MAP4K2: variants seen among roughly 807,000 people sequenced by gnomAD.
MAP4K2 encodes the protein B lymphocyte serine/threonine protein kinase.
MAP4K2 carries 85 observed loss-of-function variants against 125.3 expected under a neutral mutation model. The observed-to-expected ratio is 0.68, with a 90% CI of 0.57 to 0.81. The LOEUF is 0.81. MAP4K2 is among the 40% of genes least tolerant of loss of function. The pLI, the probability that MAP4K2 is intolerant of heterozygous loss-of-function variation, is 0.00. For missense variants in MAP4K2, 923 were observed against 1,056.4 expected, an observed-to-expected ratio of 0.87 and a Z score of 1.75; for synonymous variants, 479 against 445.1, an observed-to-expected ratio of 1.08 and a Z score of -0.96.
In MAP4K2 at chr11:64,797,259, C is replaced by T; in HGVS notation, c.1276+16G>A. 1 of 1,599,280 alleles carries T rather than the reference C, an allele frequency of 6.3e-7. No homozygotes were observed. The highest frequency in any genetic ancestry group is 8.5e-7 in the Non-Finnish European group (1 of 1,172,994). ...ACCCTGGGGCTGCCTCCTGGCCTCC[C>T]AAGCCTGAGACTCACCTGGGGGACT... is the stretch of plus-strand genomic sequence containing the variant. On this transcript the variant is annotated intron_variant, in intron 18 of 31. Transcript: ENST00000294066.
chr11:64,796,421 G>C, intron 23 of MAP4K2, 31 bp from the exon 24 acceptor site: 7 of 1,613,544 alleles, frequency 4.3e-6, no homozygotes, highest in Non-Finnish European at 5.1e-6. Context: ...CAGGCCTGGG[G>C]TGTTGGTGGG....
chr11:64,803,160 CGGGCGGGCCG>C lies in MAP4K2; in HGVS notation c.-21_-12del. On this transcript the variant is annotated 5_prime_UTR_variant, in exon 1 of 32. Transcript: ENST00000294066. ...CCGCAGCAGCGCCATGGCCCGGCGCCGGGCGGGCCGGCAGGCGGGCGGGCGCGAGCTGCGG... is the reference window on the plus strand; with the variant it reads ...CCGCAGCAGCGCCATGGCCCGGCGCCGCAGGCGGGCGGGCGCGAGCTGCGG... 1 of 1,246,208 alleles carries C rather than the reference CGGGCGGGCCG, an allele frequency of 8.0e-7. No homozygotes were observed. Among genetic ancestry groups the C allele is most frequent in the Non-Finnish European group, 1.0e-6 (1 of 990,596 alleles). The allele number at this position is 1,246,208 out of a possible 1,614,324, so 77.2% of individuals were successfully genotyped here.
At chr11:64,802,831 G>T (rs1941308226) in intron 2 of MAP4K2, 54 bp downstream of exon 2, 6 of 1,560,022 alleles carry the variant, frequency 3.8e-6, no homozygotes, top group Non-Finnish European at 3.5e-6. Context: ...CGCACCCCGC[G>T]CCCGCGGGCG....
Position 64,800,772 on chromosome 11 carries a change from C to T in MAP4K2, c.717G>A (p.Lys239=), listed in dbSNP as rs1441286599. The change falls in exon 10 of 32, where the codon AAG becomes AAA. Residue 239 remains lysine, a synonymous_variant. Transcript: ENST00000294066. The part of the protein sequence containing the change: ...SSFQPPKLRD[K]TRWTQNFHHF... The stretch of plus-strand genomic sequence containing the variant: ...CAGGGTGTGGCCCTTACCAGCGAGT[C>T]TTATCTCTCAGTTTGGGCGGCTGGA... The T allele has an allele frequency of 6.8e-6, 11 of 1,606,186 alleles. No individual in the cohort carries two copies. The Admixed American group carries it at 1.7e-4, about 25-fold the overall frequency.
intron 27 of MAP4K2, among the ~76,000 whole-genome samples, 177 bp downstream of exon 27, chr11:64,791,732 G>A (rs1940488631): frequency 6.6e-6 from 1 of 152,194 alleles, no homozygotes; most frequent in African/African-American, 2.4e-5. Context: ...TGGAAGCCCA[G>A]GTGAAGCTTG....
rs1473041633 is a variant in MAP4K2, at chr11:64,796,482, C to T, written c.1633+11G>A. On this transcript the variant is annotated intron_variant, in intron 23 of 31. Transcript: ENST00000294066. ...TGCGGACCCTGCCTCCCTGCCCATC[C>T]CACCTTGTACCTGAGAGTGACAGCA... The T allele has an allele frequency of 3.1e-6, 5 of 1,613,906 alleles. No individual in the cohort carries two copies. In the Admixed American group the frequency reaches 6.7e-5, roughly 22 times the overall value.
rs1398018380 is a variant in MAP4K2 at position 64,800,303 on chromosome 11, C to A, written c.807+8G>T. On this transcript the variant is annotated splice_region_variant and intron_variant, in intron 11 of 31. Coordinates refer to ENST00000294066, the MANE Select transcript of MAP4K2 (RefSeq NM_004579.5). The stretch of plus-strand genomic sequence containing the variant: ...ACTGGGCCTCTCTCCCGGCCCCCTG[C>A]CTCCCACCTGCAGGAGCTTCTCTGC... 1.2e-6 allele frequency: 2 copies of A among 1,613,824 alleles called. No individual in the cohort carries two copies.
In MAP4K2 at chr11:64,792,065, T is replaced by TGGGC; in HGVS notation, c.1932_1935dup (p.Ser646AlafsTer28). The TGGGC allele has an allele frequency of 6.3e-7, 1 of 1,590,368 alleles. No individual in the cohort carries two copies. Among genetic ancestry groups the TGGGC allele is most frequent in the Non-Finnish European group, 8.6e-7 (1 of 1,168,672 alleles). On this transcript the variant is annotated frameshift_variant, in exon 27 of 32. Coordinates refer to ENST00000294066, the MANE Select transcript of MAP4K2 (RefSeq NM_004579.5). LOFTEE classifies it high-confidence loss of function. ...AGCGGCTCCAGCATCCCAGCTGGGC[T>TGGGC]GGGCAGAGGGCTGGAGAAGTTCTAG...
chr11:64,797,666 T>C lies in MAP4K2; in HGVS notation c.1098-2A>G, dbSNP rs749476894. 1.3e-6 allele frequency: 2 copies of C among 1,542,268 alleles called. No individual in the cohort carries two copies. The highest frequency in any genetic ancestry group is 8.7e-7 in the Non-Finnish European group (1 of 1,144,196). On this transcript the variant is annotated splice_acceptor_variant, in intron 15 of 31. Coordinates refer to ENST00000294066, the MANE Select transcript of MAP4K2 (RefSeq NM_004579.5). LOFTEE classifies it high-confidence loss of function. Reference sequence around the variant, plus strand: ...TCCTGGACCGACTGCAGCAGGCTCCTGGGCAGTGGGGAAAAGGGGTCAGAG... The same window carrying C: ...TCCTGGACCGACTGCAGCAGGCTCCCGGGCAGTGGGGAAAAGGGGTCAGAG...
chr11:64,797,332 A>G lies in MAP4K2; in HGVS notation c.1219T>C (p.Phe407Leu). The G allele has an allele frequency of 3.7e-6, 6 of 1,600,768 alleles. No individual in the cohort carries two copies. Among genetic ancestry groups the G allele is most frequent in the Non-Finnish European group, 5.1e-6 (6 of 1,173,812 alleles). The change falls in exon 18 of 32, where the codon TTC becomes CTC. Residue 407 changes from phenylalanine to leucine, a missense_variant. Transcript: ENST00000294066. Reference sequence around the variant, plus strand: ...GGGTCAGTGGGGAGTGGCCCTAGGAACGGGGCCCGCTTGATGGTTCCCATG... The same window carrying G: ...GGGTCAGTGGGGAGTGGCCCTAGGAGCGGGGCCCGCTTGATGGTTCCCATG... ...DTMGTIKRAP[F>L]LGPLPTDPPA...
intron 26 of MAP4K2, 38 bp from the exon 27 acceptor site, chr11:64,792,124 C>T (rs1349561862): frequency 3.2e-6 from 5 of 1,580,662 alleles, no homozygotes; most frequent in South Asian, 2.3e-5. Context: ...TCCATTTCTC[C>T]CCCCAGAGCT....
In MAP4K2 at chr11:64,802,910, G is replaced by C. The variant is rs768675951; in HGVS notation, c.129C>G (p.Ala43=). Residue 43 remains alanine, a synonymous_variant, in exon 2 of 32, where the codon GCC becomes GCG. Coordinates refer to ENST00000294066, the MANE Select transcript of MAP4K2 (RefSeq NM_004579.5). ...ARDTVTSELA[A]VKIVKLDPGD... is the part of the protein sequence containing the mutation. ...CTGGGTCTAGCTTGACTATCTTCACGGCGGCCAGTTCGGACGTGACCGTGT... is the reference window on the plus strand; with the variant it reads ...CTGGGTCTAGCTTGACTATCTTCACCGCGGCCAGTTCGGACGTGACCGTGT... The C allele has an allele frequency of 1.9e-6, 3 of 1,599,586 alleles. No homozygotes were observed. The highest frequency in any genetic ancestry group is 2.3e-5 in the East Asian group (1 of 44,306).
Position 64,789,624 on chromosome 11 carries a change from T to C in MAP4K2, c.2376A>G (p.Arg792=). The change falls in exon 32 of 32, where the codon AGA becomes AGG. Residue 792 remains arginine (R), a splice_region_variant and synonymous_variant. Transcript: ENST00000294066. ...TRIFRVLGAH[R]DIILESIPTD... ...TGGGAATGCTCTCCAGGATGATGTCTCTGGAGGAGAGAGGAGTAGGGGGCA... is the reference window on the plus strand; with the variant it reads ...TGGGAATGCTCTCCAGGATGATGTCCCTGGAGGAGAGAGGAGTAGGGGGCA... The C allele has an allele frequency of 1.2e-6, 2 of 1,610,042 alleles. No individual in the cohort carries two copies. The highest frequency in any genetic ancestry group is 1.7e-6 in the Non-Finnish European group (2 of 1,178,128).
chr11:64,789,946 G>A lies in MAP4K2; in HGVS notation c.2262C>T (p.Asp754=). The change falls in exon 30 of 32, where the codon GAC becomes GAT. Residue 754 remains aspartate, a synonymous_variant. Coordinates refer to ENST00000294066, the MANE Select transcript of MAP4K2 (RefSeq NM_004579.5). ...FPIETVVCLQ[D]SVLAFWSHGM... is the part of the protein sequence containing the mutation. ...CATGGCTCCAGAAGGCCAGCACACT[G>A]TCCTGCAGGCACACTATGGGGGCCA... 4.3e-6 allele frequency: 7 copies of A among 1,613,500 alleles called. No individual in the cohort carries two copies. The highest frequency in any genetic ancestry group is 5.1e-6 in the Non-Finnish European group (6 of 1,179,926).
rs200693267 is a variant in MAP4K2 at position 64,801,176 on chromosome 11, A to G, written c.465T>C (p.Phe155=). The G allele has an allele frequency of 3.1e-6, 5 of 1,612,794 alleles. No homozygotes were observed. The highest frequency in any genetic ancestry group is 3.3e-5 in the Admixed American group (2 of 59,994). ...TLQGDVKLAD[F]GVSGELTASV... ...ACGCTGTCAGCTCGCCTGACACCCC[A>G]AAGTCAGCTGTGGGGAGAAACAGCC... The change falls in exon 8 of 32, where the codon TTT becomes TTC. Residue 155 remains phenylalanine (F), a synonymous_variant. Transcript: ENST00000294066.
At chr11:64,797,710 T>TTTC in intron 15 of MAP4K2, 46 bp from the exon 16 acceptor site, 2 of 1,439,326 alleles carry the variant, frequency 1.4e-6, no homozygotes, top group African/African-American at 1.5e-5. Context: ...TTCCTTTTTT[T>TTTC]TTTTTTTTTT....
chr11:64,790,282 G>A lies in MAP4K2; in HGVS notation c.2162-8C>T. On this transcript the variant is annotated splice_polypyrimidine_tract_variant and splice_region_variant and intron_variant, in intron 28 of 31. Transcript: ENST00000294066. The stretch of plus-strand genomic sequence containing the variant: ...TGACAATCCTCACACAGCCTGCACA[G>A]GGAAGGAATTGGTGAGTGGGGACGG... 6.2e-7 allele frequency: 1 copy of A among 1,614,126 alleles called. No homozygotes were observed. The highest frequency in any genetic ancestry group is 8.5e-7 in the Non-Finnish European group (1 of 1,179,986).
chr11:64,795,895 G>T (rs1940766482), intron 24 of MAP4K2, among the ~76,000 whole-genome samples: 1 of 151,358 alleles, frequency 6.6e-6, no homozygotes, highest in African/African-American at 2.5e-5. Context: ...GGGAATCCTT[G>T]AAAGCAAGGA....
intron 26 of MAP4K2, 36 bp from the exon 27 acceptor site, chr11:64,792,122 TC>T (rs915948367): frequency 1.3e-6 from 2 of 1,579,552 alleles, no homozygotes; most frequent in Non-Finnish European, 8.6e-7. Flanking sequence ...TCTCCATTTC[TC>T]CCCCCAGAGC....
Sources: allele counts gnomAD v4.1 joint callset (sites outside exome capture counted in the v4.1 genomes callset), GRCh38; gene constraint gnomAD v4.1.1; transcripts MANE v1.5; gene names NCBI Gene and HGNC (gene_info 2026-07-23, HGNC 2026-07-21).